Variants in ATP2B1 observed in about 807,000 individuals in gnomAD.
The protein encoded by ATP2B1 is plasma membrane calcium-transporting ATPase 1.
In ATP2B1, 14 loss-of-function variants were observed where a neutral mutation model predicts 124.2. The ratio of observed to expected loss-of-function variants is 0.11; its 90% confidence interval spans 0.07 to 0.18. ATP2B1 has a LOEUF of 0.18. Among genes scored for constraint, ATP2B1 ranks in the 10% least tolerant of loss-of-function variants. ATP2B1 has a pLI of 1.00. For missense variants in ATP2B1, 763 were observed against 1,466.1 expected, an observed-to-expected ratio of 0.52 and a Z score of 7.83; for synonymous variants, 449 against 492.4, an observed-to-expected ratio of 0.91 and a Z score of 1.17.
At chr12:89,671,686 C>T (rs1888002280) in intron 1 of ATP2B1, among the ~76,000 whole-genome samples, 1 of 151,818 alleles carries the variant, frequency 6.6e-6, no homozygotes, top group South Asian at 2.1e-4. Flanking sequence ...AAGCAACCTC[C>T]TAATTATAAC....
At chr12:89,592,616 A>G (rs1446962038) in intron 20 of ATP2B1, among the ~76,000 whole-genome samples, 2 of 152,042 alleles carry the variant, frequency 1.3e-5, no homozygotes, top group Admixed American at 6.6e-5. Context: ...AGAAATACAA[A>G]AGCAAAATGT....
chr12:89,704,545 A>T (rs1892223658), intron 1 of ATP2B1, among the ~76,000 whole-genome samples: 1 of 152,134 alleles, frequency 6.6e-6, no homozygotes, highest in South Asian at 2.1e-4. Context: ...CCTAAAGTCC[A>T]GTTTGGGCTA....
At position 89,601,492 on chromosome 12, in the gene ATP2B1, TA is replaced by T. The variant is rs1447855220; in HGVS notation, c.3061-60del. On this transcript the variant is annotated intron_variant, in intron 18 of 20. Coordinates refer to ENST00000428670, the MANE Select transcript of ATP2B1 (RefSeq NM_001366521.1). ...TCTTAAATTTTAAAATTCATATACT[TA>T]AAAAAATATCAAATTTATGTCCTCT... The T allele has an allele frequency of 2.3e-5, 24 of 1,046,986 alleles. No individual in the cohort carries two copies. In the South Asian group the frequency reaches 3.7e-4, roughly 16 times the overall value. 64.9% of individuals were successfully genotyped at this position (1,046,986 alleles called of 1,614,324 possible).
At chr12:89,697,871 T>A (rs1294328260) in intron 1 of ATP2B1, among the ~76,000 whole-genome samples, 1 of 152,172 alleles carries the variant, frequency 6.6e-6, no homozygotes, top group Non-Finnish European at 1.5e-5. Flanking sequence ...ACAGGCTTCA[T>A]ATATATCTTT....
chr12:89,699,012 G>C (rs1891509680), intron 1 of ATP2B1, among the ~76,000 whole-genome samples: 2 of 152,186 alleles, frequency 1.3e-5, no homozygotes, highest in African/African-American at 4.8e-5. Flanking sequence ...AGTACAGACA[G>C]AGGGAAAGAT....
chr12:89,602,871 A>T (rs1264724869), intron 18 of ATP2B1, among the ~76,000 whole-genome samples, 172 bp downstream of exon 18: 1 of 152,218 alleles, frequency 6.6e-6, no homozygotes, highest in African/African-American at 2.4e-5. Flanking sequence ...TAAGAACAGG[A>T]GATTCAGTTC....
Position 89,598,800 on chromosome 12 carries a change from G to C in ATP2B1, c.3351+317C>G, listed in dbSNP as rs1336571501. 17 of 1,591,558 alleles carry C rather than the reference G, an allele frequency of 1.1e-5. No individual in the cohort carries two copies. In the Admixed American group the frequency reaches 1.7e-4, roughly 16 times the overall value. ...TCAGCAAGAGAGAGAGAGAACAAGA[G>C]AAAGGACCATTCCATCTATCAACAT... On this transcript the variant is annotated intron_variant, in intron 20 of 20. Transcript: ENST00000428670.
At chr12:89,638,780 G>A (rs1438832452) in intron 3 of ATP2B1, among the ~76,000 whole-genome samples, 1 of 152,158 alleles carries the variant, frequency 6.6e-6, no homozygotes, top group Non-Finnish European at 1.5e-5. Context: ...TTTGATATAT[G>A]TATATGCTGT....
intron 1 of ATP2B1, among the ~76,000 whole-genome samples, chr12:89,656,430 T>C (rs1427865814): frequency 6.6e-6 from 1 of 152,200 alleles, no homozygotes; most frequent in African/African-American, 2.4e-5. Context: ...TTCTCTCACT[T>C]AATCATTACA....
At chr12:89,600,567 T>C (rs1426875519) in intron 19 of ATP2B1, among the ~76,000 whole-genome samples, 1 of 152,128 alleles carries the variant, frequency 6.6e-6, no homozygotes, top group African/African-American at 2.4e-5. Context: ...CCAGGTAACA[T>C]TATTTTTATA....
Position 89,653,221 on chromosome 12 carries a change from G to A in ATP2B1, c.208+2458C>T, listed in dbSNP as rs187668130. Among the ~76,000 whole-genome samples, 57 of 151,682 alleles carry A rather than the reference G, an allele frequency of 3.8e-4. No homozygotes were observed. The East Asian group carries it at 9.3e-3, about 25-fold the overall frequency. On this transcript the variant is annotated intron_variant, in intron 2 of 20. Coordinates refer to ENST00000428670, the MANE Select transcript of ATP2B1 (RefSeq NM_001366521.1). ...GCAAAAACTGTCTACGAATTAGAGA[G>A]GGGATAATGCATGAATTTATCTAAT...
chr12:89,704,431 T>G (rs1228114220), intron 1 of ATP2B1, among the ~76,000 whole-genome samples: 1 of 152,124 alleles, frequency 6.6e-6, no homozygotes, highest in Non-Finnish European at 1.5e-5. Context: ...TTCATATTTC[T>G]CTATTAAATT....
intron 1 of ATP2B1, among the ~76,000 whole-genome samples, chr12:89,665,818 T>C (rs1045880302): frequency 6.6e-6 from 1 of 152,198 alleles, no homozygotes; most frequent in Non-Finnish European, 1.5e-5. Context: ...CACAAGAACC[T>C]ACACTTACAT....
intron 1 of ATP2B1, among the ~76,000 whole-genome samples, chr12:89,696,564 G>GT (rs1891158757): frequency 6.6e-6 from 1 of 152,122 alleles, no homozygotes; most frequent in Non-Finnish European, 1.5e-5. Context: ...ATGTTAATAG[G>GT]TAAGTTTTTC....
At chr12:89,700,161 G>A (rs980445525) in intron 1 of ATP2B1, among the ~76,000 whole-genome samples, 3 of 152,038 alleles carry the variant, frequency 2.0e-5, no homozygotes, top group Non-Finnish European at 2.9e-5. Flanking sequence ...GCCAAAGACA[G>A]GGTAACATAA....
At chr12:89,605,974 AC>A (rs1411113883) in intron 15 of ATP2B1, among the ~76,000 whole-genome samples, 2 of 152,202 alleles carry the variant, frequency 1.3e-5, no homozygotes, top group Non-Finnish European at 2.9e-5. Context: ...ATTCAAACAA[AC>A]CAAATAAAAA....
At chr12:89,635,917 C>T (rs1217172127) in intron 3 of ATP2B1, among the ~76,000 whole-genome samples, 1 of 152,130 alleles carries the variant, frequency 6.6e-6, no homozygotes, top group South Asian at 2.1e-4. Flanking sequence ...CACACAAGCT[C>T]TCTCTCCTCA....
chr12:89,685,549 A>C (rs1889866446), intron 1 of ATP2B1, among the ~76,000 whole-genome samples: 1 of 152,128 alleles, frequency 6.6e-6, no homozygotes. Context: ...GCAGAAATGC[A>C]AATTCTCAGA....
intron 2 of ATP2B1, among the ~76,000 whole-genome samples, chr12:89,643,061 T>TACACACACACAC (rs1277023013): frequency 4.1e-5 from 4 of 98,762 alleles, no homozygotes; most frequent in African/African-American, 1.1e-4. Context: ...TATATAAAGA[T>TACACACACACAC]ACATACACAC....
Sources: gnomAD v4.1 joint callset for allele counts (sites outside exome capture counted in the v4.1 genomes callset) on GRCh38, gnomAD v4.1.1 for gene constraint, MANE v1.5 for transcripts, NCBI Gene and HGNC (gene_info 2026-07-23, HGNC 2026-07-21) for gene names.